The following MBD5 variants were observed in gnomAD, a reference collection of about 807,000 sequenced individuals.
MBD5 encodes methyl-CpG binding domain protein 5, also known as methyl-CpG-binding domain protein 5.
MBD5 carries 13 observed loss-of-function variants against 117.3 expected under a neutral mutation model. The ratio of observed to expected loss-of-function variants is 0.11; its 90% CI spans 0.07 to 0.18. The LOEUF is 0.18. Among genes scored for constraint, MBD5 ranks in the 10% least tolerant of loss-of-function variants. The pLI is 1.00. For missense variants in MBD5, 1,879 were observed against 2,093.8 expected (o/e 0.90, Z 2.00); for synonymous variants, 727 against 766.4 (o/e 0.95, Z 0.85).
intron 2 of MBD5, among the ~76,000 whole-genome samples, chr2:148,217,303 T>A (rs4972338): frequency 0.6 from 91,323 of 151,962 alleles, 27,640 homozygotes; most frequent in East Asian, 0.7. Flanking sequence ...ATGGCCTTTC[T>A]TTGCATTCAG....
Position 148,513,059 on chromosome 2 carries a change from C to T in MBD5, c.*118C>T. The T allele has an allele frequency of 1.9e-6, 2 of 1,035,276 alleles. No homozygotes were observed. Among genetic ancestry groups the T allele is most frequent in the African/African-American group, 1.6e-5 (1 of 63,358 alleles). 64.1% of individuals were successfully genotyped at this position (1,035,276 alleles called of 1,614,324 possible). On this transcript the variant is annotated 3_prime_UTR_variant, in exon 14 of 14. Transcript: ENST00000642680. ...TATTTAGACTATGGCAGATAGCTAC[C>T]ACCACCACAGGGTGCTAAAAGAAAC... is the stretch of plus-strand genomic sequence containing the variant.
intron 7 of MBD5, among the ~76,000 whole-genome samples, chr2:148,465,185 G>C (rs889282813): frequency 1.3e-5 from 2 of 152,042 alleles, no homozygotes; most frequent in Non-Finnish European, 2.9e-5. Flanking sequence ...ATTTTGCTAG[G>C]AATACTGCAT....
chr2:148,473,649 A>G (rs1190308777), intron 8 of MBD5, among the ~76,000 whole-genome samples: 1 of 152,178 alleles, frequency 6.6e-6, no homozygotes, highest in African/African-American at 2.4e-5. Context: ...ATGCAAAACA[A>G]TCCAAATATT....
At chr2:148,110,188 G>A (rs185252956) in intron 1 of MBD5, among the ~76,000 whole-genome samples, 4 of 152,222 alleles carry the variant, frequency 2.6e-5, no homozygotes, top group African/African-American at 7.2e-5. Flanking sequence ...GATATTATTA[G>A]CCTCTTATTA....
chr2:148,268,984 T>C (rs1045840414), intron 3 of MBD5, among the ~76,000 whole-genome samples: 9 of 152,042 alleles, frequency 5.9e-5, no homozygotes, highest in African/African-American at 2.2e-4. Flanking sequence ...AATGAATGAA[T>C]GAATAAGTGA....
intron 4 of MBD5, among the ~76,000 whole-genome samples, chr2:148,354,588 G>A (rs1217906539): frequency 1.3e-5 from 2 of 152,168 alleles, no homozygotes; most frequent in Non-Finnish European, 2.9e-5. Flanking sequence ...ATGTACATGT[G>A]TCTTTATAGT....
At chr2:148,260,189 C>G (rs147460643) in intron 3 of MBD5, among the ~76,000 whole-genome samples, 3 of 152,190 alleles carry the variant, frequency 2.0e-5, no homozygotes, top group African/African-American at 7.2e-5. Flanking sequence ...AAATTTGAAT[C>G]AATTCTCTCA....
chr2:148,507,493 C>T (rs1682069535), intron 12 of MBD5, among the ~76,000 whole-genome samples: 2 of 152,290 alleles, frequency 1.3e-5, no homozygotes, highest in South Asian at 2.1e-4. Context: ...GGCGCGGTGG[C>T]TCACGCCTGT....
At chr2:148,501,068 A>G (rs1559104801) in intron 11 of MBD5, among the ~76,000 whole-genome samples, 2 of 152,256 alleles carry the variant, frequency 1.3e-5, no homozygotes, top group African/African-American at 4.8e-5. Context: ...GCTTGTGTGT[A>G]TAAGACATTT....
At chr2:148,400,560 A>C (rs1354071977) in intron 4 of MBD5, among the ~76,000 whole-genome samples, 1 of 152,208 alleles carries the variant, frequency 6.6e-6, no homozygotes, top group Admixed American at 6.5e-5. Flanking sequence ...TCTCCATCCA[A>C]CATGAAGGTT....
At chr2:148,122,569 G>A (rs1312664392) in intron 1 of MBD5, among the ~76,000 whole-genome samples, 1 of 152,116 alleles carries the variant, frequency 6.6e-6, no homozygotes, top group Non-Finnish European at 1.5e-5. Flanking sequence ...AAGAGGTAGA[G>A]TTACTTAGAA....
intron 8 of MBD5, chr2:148,472,112 A>G (rs948138133): frequency 6.6e-6 from 1 of 152,086 alleles, no homozygotes; most frequent in Non-Finnish European, 1.5e-5. Flanking sequence ...TTCATCTATA[A>G]TGGAAAAGAC....
At chr2:148,376,156 G>A (rs1487048849) in intron 4 of MBD5, among the ~76,000 whole-genome samples, 2 of 151,712 alleles carry the variant, frequency 1.3e-5, no homozygotes, top group East Asian at 3.9e-4. Flanking sequence ...TATCCTGTTT[G>A]ACCTGATGCT....
chr2:148,201,701 A>T (rs910617359), intron 2 of MBD5, among the ~76,000 whole-genome samples: 7 of 152,106 alleles, frequency 4.6e-5, no homozygotes, highest in Non-Finnish European at 1.5e-5. Flanking sequence ...AAATTTTATT[A>T]AGTGACGAAA....
chr2:148,117,969 G>A (rs1696679182), intron 1 of MBD5, among the ~76,000 whole-genome samples: 1 of 152,104 alleles, frequency 6.6e-6, no homozygotes, highest in African/African-American at 2.4e-5. Flanking sequence ...AGCACATGGG[G>A]TAAAAGTTTT....
intron 4 of MBD5, among the ~76,000 whole-genome samples, chr2:148,394,337 G>A (rs1252804090): frequency 2.6e-5 from 4 of 151,938 alleles, no homozygotes; most frequent in East Asian, 1.9e-4. Context: ...TCCTGAGATG[G>A]GTGGTCTTTG....
At position 148,485,691 on chromosome 2, in the gene MBD5, G is replaced by A. The variant is rs2121344; in HGVS notation, c.3545-51G>A. Reference sequence around the variant, plus strand: ...ATTCTCGGGTACAAAGAGAGGCATCGAATCTCCGAAGAATCACATTTATTT... The same window carrying A: ...ATTCTCGGGTACAAAGAGAGGCATCAAATCTCCGAAGAATCACATTTATTT... On this transcript the variant is annotated intron_variant, in intron 9 of 13. Transcript: ENST00000642680. The A allele has an allele frequency of 0.66, 909,628 of 1,385,650 alleles. 303,734 individuals are homozygous for A. Among genetic ancestry groups the A allele is most frequent in the East Asian group, 0.77 (30,844 of 40,244 alleles). The allele number at this position is 1,385,650 out of a possible 1,614,324, so 85.8% of individuals were successfully genotyped here.
chr2:148,139,656 C>A (rs1697263872), intron 1 of MBD5, among the ~76,000 whole-genome samples: 2 of 152,164 alleles, frequency 1.3e-5, no homozygotes, highest in African/African-American at 4.8e-5. Flanking sequence ...CCACTCTCCC[C>A]AGACAACAAA....
intron 3 of MBD5, among the ~76,000 whole-genome samples, chr2:148,340,384 T>C (rs2105131452): frequency 6.6e-6 from 1 of 152,254 alleles, no homozygotes; most frequent in African/African-American, 2.4e-5. Context: ...AAACATTACA[T>C]TGGTGATGGT....
Sources: allele counts gnomAD v4.1 joint callset (sites outside exome capture counted in the v4.1 genomes callset), GRCh38; gene constraint gnomAD v4.1.1; transcripts MANE v1.5; gene names NCBI Gene and HGNC (gene_info 2026-07-23, HGNC 2026-07-21).